C2orf42: variants seen among roughly 807,000 people sequenced by gnomAD.
C2orf42 encodes the protein chromosome 2 open reading frame 42.
C2orf42 carries 44 observed loss-of-function variants against 58.9 expected under a neutral mutation model. The ratio of observed to expected loss-of-function variants is 0.75; its 90% CI spans 0.59 to 0.96. C2orf42 has a LOEUF of 0.96. Ranked by LOEUF, C2orf42 falls within the 40% of genes least tolerant of loss-of-function variation. C2orf42 has a pLI of 0.00. For synonymous variants in C2orf42, 239 were observed against 265.4 expected (o/e 0.90, Z 0.97); for missense variants, 630 against 699.2 (o/e 0.90, Z 1.12).
intron 3 of C2orf42, among the ~76,000 whole-genome samples, chr2:70,180,706 G>A (rs533260189): frequency 4.6e-5 from 7 of 151,028 alleles, no homozygotes; most frequent in African/African-American, 1.7e-4. Flanking sequence ...GACTGAGACT[G>A]AAAGAAGGAA....
Position 70,160,794 on chromosome 2 carries a change from A to G in C2orf42, c.1354-7T>C, listed in dbSNP as rs1168520426. On this transcript the variant is annotated splice_region_variant and splice_polypyrimidine_tract_variant and intron_variant, in intron 8 of 9. Coordinates refer to ENST00000264434, the MANE Select transcript of C2orf42 (RefSeq NM_017880.3). ...GGGTGATTTCCAAGGGCATCTGGACACCAAGACAATACCAAAAAAAGGTGA... is the reference window on the plus strand; with the variant it reads ...GGGTGATTTCCAAGGGCATCTGGACGCCAAGACAATACCAAAAAAAGGTGA... 7 of 1,568,312 alleles carry G rather than the reference A, an allele frequency of 4.5e-6. No homozygotes were observed. Among genetic ancestry groups the G allele is most frequent in the Non-Finnish European group, 3.4e-6 (4 of 1,162,868 alleles).
At chr2:70,156,420 G>C (rs1472547816) in intron 9 of C2orf42, among the ~76,000 whole-genome samples, 1 of 151,910 alleles carries the variant, frequency 6.6e-6, no homozygotes, top group East Asian at 1.9e-4. Flanking sequence ...AGGAGTTCAA[G>C]GCTGTAGTGC....
chr2:70,175,673 C>T lies in C2orf42; in HGVS notation c.1039G>A (p.Ala347Thr). ...PVVASSLKRQ[A>T]CGQLLDEAQV... ...CCTATTCTAGGGAAGGGAAACTTAC[C>T]CTGCCTTTTTAACGAGGAAGCAACC... Residue 347 changes from alanine to threonine, a missense_variant and splice_region_variant, in exon 5 of 10, where the codon GCC becomes ACC. Transcript: ENST00000264434. 6.3e-7 allele frequency: 1 copy of T among 1,591,204 alleles called. No individual in the cohort carries two copies. The highest frequency in any genetic ancestry group is 1.3e-5 in the African/African-American group (1 of 74,544).
intron 1 of C2orf42, among the ~76,000 whole-genome samples, chr2:70,187,025 G>C (rs1462580461): frequency 6.6e-6 from 1 of 151,954 alleles, no homozygotes; most frequent in Non-Finnish European, 1.5e-5. Context: ...AGTGGGTGCA[G>C]CACACCAGCA....
chr2:70,170,468 A>T (rs113356107), intron 5 of C2orf42, among the ~76,000 whole-genome samples: 27 of 151,946 alleles, frequency 1.8e-4, no homozygotes, highest in African/African-American at 6.5e-4. Flanking sequence ...GGCTGGTCTC[A>T]AACTCCTGGC....
At chr2:70,155,747 C>A (rs1472073163) in intron 9 of C2orf42, among the ~76,000 whole-genome samples, 2 of 151,240 alleles carry the variant, frequency 1.3e-5, no homozygotes, top group African/African-American at 4.9e-5. Context: ...TTGCAGTGAG[C>A]CGAGATTGCG....
rs967908176 is a variant in C2orf42 at position 70,181,254 on chromosome 2, T to A, written c.732A>T (p.Arg244Ser). 1.2e-6 allele frequency: 2 copies of A among 1,612,470 alleles called. No individual in the cohort carries two copies. Among genetic ancestry groups the A allele is most frequent in the Non-Finnish European group, 1.7e-6 (2 of 1,178,628 alleles). The change falls in exon 3 of 10, where the codon AGA becomes AGT. Residue 244 changes from arginine to serine, a missense_variant. Coordinates refer to ENST00000264434, the MANE Select transcript of C2orf42 (RefSeq NM_017880.3). ...SNASKDETAQRCIHFFACICA... is the reference protein window; with the variant it reads ...SNASKDETAQSCIHFFACICA... Reference sequence around the variant, plus strand: ...AGATGCAAGCAAAGAAATGAATGCATCTCTGGGCTGTCTCATCCTTGGAGG... The same window carrying A: ...AGATGCAAGCAAAGAAATGAATGCAACTCTGGGCTGTCTCATCCTTGGAGG...
intron 1 of C2orf42, among the ~76,000 whole-genome samples, chr2:70,183,605 A>G (rs2103648804): frequency 6.6e-6 from 1 of 150,874 alleles, no homozygotes; most frequent in South Asian, 2.1e-4. Context: ...AATTTTTTGT[A>G]TTTTTAGTAG....
chr2:70,188,569 C>T (rs921510923), intron 1 of C2orf42, among the ~76,000 whole-genome samples: 4 of 152,090 alleles, frequency 2.6e-5, no homozygotes, highest in Non-Finnish European at 5.9e-5. Context: ...AACACAGTTC[C>T]CAAACACCAC....
chr2:70,169,800 C>T (rs1232428144), intron 5 of C2orf42, 139 bp from the exon 6 acceptor site: 1 of 557,946 alleles, frequency 1.8e-6, no homozygotes, highest in African/African-American at 1.9e-5. Context: ...GCCCTTGTTG[C>T]CCAGGCTGGA....
intron 3 of C2orf42, among the ~76,000 whole-genome samples, chr2:70,180,825 G>T (rs182252742): frequency 1.2e-3 from 175 of 149,216 alleles, no homozygotes; most frequent in African/African-American, 4.2e-3. Flanking sequence ...AACAAAGTAA[G>T]ACCCCTATCT....
chr2:70,177,677 T>C (rs1461588255), intron 4 of C2orf42, among the ~76,000 whole-genome samples: 2 of 152,196 alleles, frequency 1.3e-5, no homozygotes, highest in African/African-American at 4.8e-5. Context: ...ATTATAGCAA[T>C]GTATACTACA....
At chr2:70,150,845 A>C (rs1179249295) in intron 9 of C2orf42, among the ~76,000 whole-genome samples, 1 of 152,208 alleles carries the variant, frequency 6.6e-6, no homozygotes, top group East Asian at 1.9e-4. Context: ...TCCCGGGTTC[A>C]AGCGATTCTC....
rs111413421 is a variant in C2orf42, at chr2:70,182,122, C to T, written c.-12-125G>A. 3,000 of 594,378 alleles carry T rather than the reference C, an allele frequency of 5.0e-3. 70 individuals carry two copies. In the African/African-American group the frequency reaches 0.051, roughly 10 times the overall value. The allele number at this position is 594,378 out of a possible 1,614,324, so 36.8% of individuals were successfully genotyped here. The stretch of plus-strand genomic sequence containing the variant: ...CTATCTACTATTTTTTTTTTTTAGA[C>T]GGAGTCTCGCTCTGTCGCCCAGGCT... On this transcript the variant is annotated intron_variant, in intron 2 of 9. Coordinates refer to ENST00000264434, the MANE Select transcript of C2orf42 (RefSeq NM_017880.3).
At position 70,179,532 on chromosome 2, in the gene C2orf42, C is replaced by G. The variant is rs780290738; in HGVS notation, c.934G>C (p.Gly312Arg). The change falls in exon 4 of 10, where the codon GGT becomes CGT. Residue 312 changes from glycine (G) to arginine (R), a missense_variant and splice_region_variant. Coordinates refer to ENST00000264434, the MANE Select transcript of C2orf42 (RefSeq NM_017880.3). ...CCAAACCAACCAACCAGACTCTTAC[C>G]AGATACTTCATCCTTTCTCCTCTTC... ...SKKRRKDEVS[G>R]AQMNSSLLPQ... is the part of the protein sequence containing the mutation. 7.5e-7 allele frequency: 1 copy of G among 1,328,462 alleles called. No individual in the cohort carries two copies. Among genetic ancestry groups the G allele is most frequent in the South Asian group, 1.2e-5 (1 of 82,790 alleles). The allele number at this position is 1,328,462 out of a possible 1,614,324, so 82.3% of individuals were successfully genotyped here. A position where few individuals can be genotyped will look rare whatever the true frequency, so the allele number is the denominator to read the frequency against.
At chr2:70,158,213 A>G (rs1018012545) in intron 9 of C2orf42, among the ~76,000 whole-genome samples, 2 of 151,650 alleles carry the variant, frequency 1.3e-5, no homozygotes, top group Non-Finnish European at 2.9e-5. Context: ...AAAAAAAAAA[A>G]GAAAGAAATT....
At chr2:70,158,244 CA>C (rs1318964966) in intron 9 of C2orf42, among the ~76,000 whole-genome samples, 1 of 150,902 alleles carries the variant, frequency 6.6e-6, no homozygotes, top group Non-Finnish European at 1.5e-5. Context: ...CTTCTGACCT[CA>C]AAATAATAAA....
chr2:70,171,168 C>T (rs879329920), intron 5 of C2orf42, among the ~76,000 whole-genome samples: 3 of 151,824 alleles, frequency 2.0e-5, no homozygotes, highest in Admixed American at 1.3e-4. Context: ...CCCAACTACT[C>T]AGGAGGCTGA....
chr2:70,176,864 C>A (rs893440267), intron 4 of C2orf42, among the ~76,000 whole-genome samples: 2 of 152,154 alleles, frequency 1.3e-5, no homozygotes, highest in Non-Finnish European at 2.9e-5. Context: ...TAACTATCCC[C>A]AGTGGTTAAC....
Sources: gnomAD v4.1 joint callset for allele counts (sites outside exome capture counted in the v4.1 genomes callset) on GRCh38, gnomAD v4.1.1 for gene constraint, MANE v1.5 for transcripts, NCBI Gene and HGNC (gene_info 2026-07-23, HGNC 2026-07-21) for gene names.